ENTREP2: variants seen among roughly 807,000 people sequenced by gnomAD.
ENTREP2 encodes protein ENTREP2.
At chr15:29,173,197 G>A in the ENTREP2 span, among the ~76,000 whole-genome samples, 1 of 152,188 alleles carries the variant, frequency 6.6e-6, no homozygotes, top group African/African-American at 2.4e-5. Flanking sequence ...CTGCAGGAAT[G>A]GGCGGGGCAG....
chr15:29,212,069 A>G, the ENTREP2 span, among the ~76,000 whole-genome samples: 7 of 152,088 alleles, frequency 4.6e-5, no homozygotes, highest in Admixed American at 3.9e-4. Flanking sequence ...TCCTTTTTGA[A>G]TATCTGGTAG....
chr15:29,399,553 A>T, the ENTREP2 span, among the ~76,000 whole-genome samples: 16 of 152,332 alleles, frequency 1.1e-4, no homozygotes, highest in African/African-American at 3.4e-4. Context: ...CTGGTTACAA[A>T]ATCAATATGT....
chr15:29,595,517 C>G, the ENTREP2 span, among the ~76,000 whole-genome samples: 1 of 152,144 alleles, frequency 6.6e-6, no homozygotes, highest in South Asian at 2.1e-4. Context: ...CCAGAACACA[C>G]GTCCACAGTA....
At chr15:29,420,278 G>C in the ENTREP2 span, among the ~76,000 whole-genome samples, 1 of 152,156 alleles carries the variant, frequency 6.6e-6, no homozygotes. Context: ...AGGTTATGTG[G>C]GAGGGGAAGT....
chr15:29,306,890 C>T, the ENTREP2 span, among the ~76,000 whole-genome samples: 2 of 150,906 alleles, frequency 1.3e-5, no homozygotes, highest in Admixed American at 6.6e-5. Context: ...GGACTACAGG[C>T]GCATGCCACC....
At chr15:29,648,224 C>T in the ENTREP2 span, among the ~76,000 whole-genome samples, 569 of 152,312 alleles carry the variant, frequency 3.7e-3, 5 homozygotes, top group African/African-American at 0.013. Flanking sequence ...CTGATTTAGG[C>T]ACTTCTCTAG....
chr15:29,642,213 C>G, the ENTREP2 span, among the ~76,000 whole-genome samples: 1 of 151,994 alleles, frequency 6.6e-6, no homozygotes, highest in African/African-American at 2.4e-5. Flanking sequence ...ATCTGTAGCA[C>G]TTAAAATTCC....
the ENTREP2 span, among the ~76,000 whole-genome samples, chr15:29,441,023 C>T: frequency 7.9e-5 from 12 of 152,174 alleles, no homozygotes; most frequent in Admixed American, 4.6e-4. Context: ...CCCATGTTCA[C>T]GGCAGCATTA....
the ENTREP2 span, among the ~76,000 whole-genome samples, chr15:29,657,680 G>C: frequency 1.3e-5 from 2 of 152,044 alleles, no homozygotes; most frequent in Non-Finnish European, 2.9e-5. Flanking sequence ...GCGCCGATTG[G>C]TGCATTTTAC....
chr15:29,506,020 G>T, the ENTREP2 span, among the ~76,000 whole-genome samples: 3 of 152,058 alleles, frequency 2.0e-5, no homozygotes, highest in Non-Finnish European at 4.4e-5. Context: ...CTTGAAAAAG[G>T]TTAGAGGAAT....
the ENTREP2 span, chr15:29,381,831 C>T: frequency 6.4e-7 from 1 of 1,551,578 alleles, no homozygotes; most frequent in Non-Finnish European, 8.7e-7. Context: ...GACAGCAGCA[C>T]CTGGAAGGAC....
chr15:29,382,021 C>T, the ENTREP2 span, among the ~76,000 whole-genome samples: 95 of 152,262 alleles, frequency 6.2e-4, no homozygotes, highest in African/African-American at 2.3e-3. Flanking sequence ...TCTCAGGGCA[C>T]CAGGGTGCTA....
chr15:29,541,144 T>TG, the ENTREP2 span, among the ~76,000 whole-genome samples: 2 of 152,126 alleles, frequency 1.3e-5, no homozygotes, highest in Non-Finnish European at 2.9e-5. Flanking sequence ...TCCCTCCCTA[T>TG]GTCAGGCATT....
chr15:29,499,981 T>C, the ENTREP2 span, among the ~76,000 whole-genome samples: 1 of 152,058 alleles, frequency 6.6e-6, no homozygotes, highest in East Asian at 1.9e-4. Context: ...CACTTTAAGA[T>C]AAAAATTGCT....
At chr15:29,389,171 A>G in the ENTREP2 span, among the ~76,000 whole-genome samples, 2 of 152,038 alleles carry the variant, frequency 1.3e-5, no homozygotes, top group East Asian at 1.9e-4. Context: ...AAAAAAAAGA[A>G]TGCAAGTCAG....
the ENTREP2 span, among the ~76,000 whole-genome samples, chr15:29,561,059 C>T: frequency 4.1e-4 from 2 of 4,836 alleles, no homozygotes; most frequent in African/African-American, 2.4e-3. Flanking sequence ...TATCATCTCA[C>T]ACCTGTTACA....
At chr15:29,165,543 T>C in the ENTREP2 span, among the ~76,000 whole-genome samples, 1 of 152,188 alleles carries the variant, frequency 6.6e-6, no homozygotes, top group Admixed American at 6.5e-5. Context: ...TCAAGGCTAC[T>C]ATGAACACCT....
chr15:29,317,604 T>C, the ENTREP2 span, among the ~76,000 whole-genome samples: 1 of 152,220 alleles, frequency 6.6e-6, no homozygotes, highest in Non-Finnish European at 1.5e-5. Flanking sequence ...CTTATTAAAA[T>C]GCTTGAGTGC....
At chr15:29,470,328 C>T in the ENTREP2 span, among the ~76,000 whole-genome samples, 1 of 152,168 alleles carries the variant, frequency 6.6e-6, no homozygotes, top group Non-Finnish European at 1.5e-5. Context: ...CCCACAGGTC[C>T]TGGGCCCTGC....
Sources: allele counts gnomAD v4.1 joint callset (sites outside exome capture counted in the v4.1 genomes callset), GRCh38; gene constraint gnomAD v4.1.1; transcripts MANE v1.5; gene names NCBI Gene and HGNC (gene_info 2026-07-23, HGNC 2026-07-21).